The following MGAT4C variants were observed in gnomAD, a reference collection of about 807,000 sequenced individuals.
MGAT4C encodes alpha-1,3-mannosyl-glycoprotein 4-beta-N-acetylglucosaminyltransferase C.
A neutral mutation model predicts 40.1 loss-of-function variants in MGAT4C; 19 were observed. The ratio of observed to expected loss-of-function variants is 0.47; its 90% confidence interval spans 0.33 to 0.70. MGAT4C has a LOEUF of 0.70. MGAT4C is among the 30% of genes least tolerant of loss of function. The probability of loss-of-function intolerance (pLI) is 0.02; values close to 1 mark genes in which losing one functional copy is unlikely to be tolerated. For synonymous variants in MGAT4C, 181 were observed against 187.1 expected, an observed-to-expected ratio of 0.97 and a Z score of 0.27; for missense variants, 491 against 563.2, an observed-to-expected ratio of 0.87 and a Z score of 1.30.
intron 1 of MGAT4C, among the ~76,000 whole-genome samples, chr12:86,825,890 C>G (rs534751332): frequency 6.6e-6 from 1 of 151,426 alleles, no homozygotes; most frequent in South Asian, 2.1e-4. Flanking sequence ...AATAAGGGGT[C>G]TTGGAGATTT....
chr12:86,516,925 G>A (rs1958700582), intron 2 of MGAT4C, among the ~76,000 whole-genome samples: 1 of 152,072 alleles, frequency 6.6e-6, no homozygotes, highest in Non-Finnish European at 1.5e-5. Flanking sequence ...ATACACAAAT[G>A]TCAATAAGCA....
chr12:86,518,027 G>A (rs1386430873), intron 2 of MGAT4C, among the ~76,000 whole-genome samples: 2 of 152,060 alleles, frequency 1.3e-5, no homozygotes, highest in African/African-American at 4.8e-5. Flanking sequence ...AACTTTCCCC[G>A]TGTTAAAGAA....
chr12:86,115,173 A>T (rs1228342166), intron 1 of MGAT4C, among the ~76,000 whole-genome samples: 1 of 152,040 alleles, frequency 6.6e-6, no homozygotes, highest in Non-Finnish European at 1.5e-5. Flanking sequence ...TTCTTTTAAG[A>T]TAAAGATAAG....
chr12:86,101,054 G>A (rs1242181138), intron 1 of MGAT4C, among the ~76,000 whole-genome samples: 11 of 151,632 alleles, frequency 7.3e-5, no homozygotes, highest in Admixed American at 5.9e-4. Context: ...CAACTGTAAT[G>A]TAAAAATAGA....
At chr12:86,199,803 G>C (rs948919435) in intron 1 of MGAT4C, among the ~76,000 whole-genome samples, 6 of 151,964 alleles carry the variant, frequency 3.9e-5, no homozygotes, top group Non-Finnish European at 4.4e-5. Context: ...ATATCAAAGA[G>C]CTAAAAACTC....
intron 2 of MGAT4C, among the ~76,000 whole-genome samples, chr12:86,495,593 T>C (rs1039164770): frequency 6.6e-6 from 1 of 152,036 alleles, no homozygotes; most frequent in Non-Finnish European, 1.5e-5. Flanking sequence ...CTTGATTCAA[T>C]TGTACTGTAA....
At chr12:86,143,703 G>A (rs530902447) in intron 1 of MGAT4C, among the ~76,000 whole-genome samples, 4 of 152,198 alleles carry the variant, frequency 2.6e-5, no homozygotes, top group East Asian at 1.9e-4. Context: ...AGGATATTCC[G>A]ATAAAACACA....
At chr12:86,661,239 TAA>T (rs142384011) in intron 2 of MGAT4C, among the ~76,000 whole-genome samples, 9,242 of 151,454 alleles carry the variant, frequency 0.061, 335 homozygotes, top group Middle Eastern at 0.16. Flanking sequence ...AAAATCAGTA[TAA>T]AAAAGATTAG....
intron 2 of MGAT4C, among the ~76,000 whole-genome samples, chr12:85,990,529 G>A (rs563556568): frequency 1.3e-4 from 20 of 152,096 alleles, no homozygotes; most frequent in Admixed American, 3.9e-4. Context: ...AAAAATGTCC[G>A]TCCCCTATAA....
intron 2 of MGAT4C, among the ~76,000 whole-genome samples, chr12:86,527,489 T>G (rs1958904831): frequency 6.6e-6 from 1 of 152,164 alleles, no homozygotes; most frequent in African/African-American, 2.4e-5. Context: ...TATTTTGTGG[T>G]TTCATATAAA....
chr12:86,104,777 T>C (rs1875831541), intron 1 of MGAT4C, among the ~76,000 whole-genome samples: 1 of 152,202 alleles, frequency 6.6e-6, no homozygotes, highest in African/African-American at 2.4e-5. Flanking sequence ...TTAATGCAGA[T>C]TATGTATCAT....
chr12:86,110,302 A>ATATATATATAGACTATATATATATAGTC (rs1592965459), intron 1 of MGAT4C, among the ~76,000 whole-genome samples: 18 of 82,916 alleles, frequency 2.2e-4, no homozygotes, highest in African/African-American at 1.2e-3. Context: ...TAGTCTCTCT[A>ATATATATATAGACTATATATATATAGTC]TATATATATA....
At chr12:86,503,728 GTTCTGCTC>G (rs1592927237) in intron 2 of MGAT4C, among the ~76,000 whole-genome samples, 1 of 68,072 alleles carries the variant, frequency 1.5e-5, no homozygotes, top group East Asian at 5.0e-4. Context: ...ATATATATGA[GTTCTGCTC>G]ATATATATAT....
intron 1 of MGAT4C, among the ~76,000 whole-genome samples, chr12:86,065,967 A>G (rs1205600664): frequency 6.6e-6 from 1 of 152,232 alleles, no homozygotes; most frequent in African/African-American, 2.4e-5. Context: ...CAATTGCTAC[A>G]AAGAGAATAA....
intron 1 of MGAT4C, among the ~76,000 whole-genome samples, chr12:86,122,226 C>A (rs1879479767): frequency 1.3e-5 from 2 of 152,044 alleles, no homozygotes; most frequent in Admixed American, 1.3e-4. Context: ...ATTAAAAGTA[C>A]TCATTTTAAA....
At chr12:86,577,485 A>G (rs552826290) in intron 2 of MGAT4C, among the ~76,000 whole-genome samples, 3 of 151,796 alleles carry the variant, frequency 2.0e-5, no homozygotes, top group Non-Finnish European at 4.4e-5. Context: ...GTTTTCTTCT[A>G]TATCCAGCTT....
At chr12:86,348,347 TC>T (rs1955085313) in intron 3 of MGAT4C, among the ~76,000 whole-genome samples, 1 of 152,136 alleles carries the variant, frequency 6.6e-6, no homozygotes, top group African/African-American at 2.4e-5. Flanking sequence ...ATTCTTAGAA[TC>T]CACTGATATT....
At chr12:86,508,920 T>G (rs1473915896) in intron 2 of MGAT4C, among the ~76,000 whole-genome samples, 6 of 151,218 alleles carry the variant, frequency 4.0e-5, no homozygotes, top group Non-Finnish European at 8.8e-5. Flanking sequence ...GTTTTTTTCT[T>G]GTAAATTTGT....
In MGAT4C at chr12:85,957,682, A is replaced by C. The variant is rs887633072; in HGVS notation, c.*21607T>G. The stretch of plus-strand genomic sequence containing the variant: ...CAAAAAAAAAAAAAAAAGAAAAAAG[A>C]AAAAAAAAATCTATCAATCCTGAAA... On this transcript the variant is annotated 3_prime_UTR_variant, in exon 5 of 5. Coordinates refer to ENST00000611864, the MANE Select transcript of MGAT4C (RefSeq NM_001351288.2). 2 of 136,356 alleles carry C rather than the reference A, an allele frequency of 1.5e-5. No individual in the cohort carries two copies. Among genetic ancestry groups the C allele is most frequent in the Non-Finnish European group, 3.2e-5 (2 of 62,140 alleles). 8.4% of individuals were successfully genotyped at this position (136,356 alleles called of 1,614,324 possible).
Sources: allele counts gnomAD v4.1 joint callset (sites outside exome capture counted in the v4.1 genomes callset), GRCh38; gene constraint gnomAD v4.1.1; transcripts MANE v1.5; gene names NCBI Gene and HGNC (gene_info 2026-07-23, HGNC 2026-07-21).